The following RALYL variants were observed in gnomAD, a reference collection of about 807,000 sequenced individuals.
The protein encoded by RALYL is RALY RNA binding protein like.
Under a neutral mutation model 35.1 loss-of-function variants are expected in RALYL, and 29 were observed. The ratio of observed to expected loss-of-function variants is 0.83; its 90% CI spans 0.61 to 1.13. RALYL has a LOEUF of 1.13. Ranked by LOEUF, RALYL falls within the 50% of genes most tolerant of loss-of-function variation. The pLI, the probability that RALYL is intolerant of heterozygous loss-of-function variation, is 0.00. For synonymous variants in RALYL, 120 were observed against 127.6 expected, an observed-to-expected ratio of 0.94 and a Z score of 0.40; for missense variants, 359 against 360.4, an observed-to-expected ratio of 1.00 and a Z score of 0.03.
intron 8 of RALYL, among the ~76,000 whole-genome samples, chr8:84,911,214 A>G (rs1394442297): frequency 6.6e-6 from 1 of 152,080 alleles, no homozygotes; most frequent in Non-Finnish European, 1.5e-5. Flanking sequence ...TCTCCCCACA[A>G]GAAAGTTCAA....
At chr8:84,425,431 T>C (rs931379332) in intron 1 of RALYL, among the ~76,000 whole-genome samples, 1 of 152,166 alleles carries the variant, frequency 6.6e-6, no homozygotes, top group South Asian at 2.1e-4. Context: ...GCTCACCCAC[T>C]GGCCTGCGCC....
chr8:84,439,617 G>A (rs1465790889), intron 1 of RALYL, among the ~76,000 whole-genome samples: 1 of 151,964 alleles, frequency 6.6e-6, no homozygotes, highest in Admixed American at 6.6e-5. Context: ...GCGTCATGGA[G>A]ATTAGCTTAA....
At chr8:84,251,307 CA>C (rs1830155575) in intron 1 of RALYL, among the ~76,000 whole-genome samples, 1 of 152,044 alleles carries the variant, frequency 6.6e-6, no homozygotes, top group African/African-American at 2.4e-5. Flanking sequence ...TCTATTTCTG[CA>C]AAGATACTGT....
intron 2 of RALYL, among the ~76,000 whole-genome samples, chr8:84,555,801 A>G (rs2061075437): frequency 6.6e-6 from 1 of 152,230 alleles, no homozygotes; most frequent in South Asian, 2.1e-4. Flanking sequence ...TTCTAAATTT[A>G]GATATCCCAT....
chr8:84,199,268 G>A (rs1816241750), intron 1 of RALYL, among the ~76,000 whole-genome samples: 1 of 150,282 alleles, frequency 6.7e-6, no homozygotes, highest in Non-Finnish European at 1.5e-5. Flanking sequence ...GTGATGATCG[G>A]TGACCTTTTC....
At chr8:84,666,468 G>A (rs747592205) in intron 2 of RALYL, among the ~76,000 whole-genome samples, 3 of 152,036 alleles carry the variant, frequency 2.0e-5, no homozygotes, top group Non-Finnish European at 2.9e-5. Context: ...GGAGGTTAAA[G>A]TTTGAGAGAC....
intron 1 of RALYL, among the ~76,000 whole-genome samples, chr8:84,409,484 T>G (rs2043886973): frequency 6.6e-6 from 1 of 152,082 alleles, no homozygotes; most frequent in Non-Finnish European, 1.5e-5. Context: ...CACCTGATTT[T>G]AAGTTTTCCA....
chr8:84,601,041 C>A (rs188479512), intron 2 of RALYL, among the ~76,000 whole-genome samples: 2 of 152,174 alleles, frequency 1.3e-5, no homozygotes, highest in Admixed American at 1.3e-4. Context: ...AGATGTGGTT[C>A]CTTCTTTCAA....
At chr8:84,902,762 T>A (rs2135574916) in intron 8 of RALYL, among the ~76,000 whole-genome samples, 1 of 152,280 alleles carries the variant, frequency 6.6e-6, no homozygotes, top group African/African-American at 2.4e-5. Context: ...TGAGGCTCAC[T>A]TCCATATCTG....
At chr8:84,215,611 T>A (rs1186740989) in intron 1 of RALYL, among the ~76,000 whole-genome samples, 1 of 152,136 alleles carries the variant, frequency 6.6e-6, no homozygotes, top group Non-Finnish European at 1.5e-5. Context: ...TTTTTCTATC[T>A]GTAGCTGCTT....
chr8:84,278,476 T>C (rs1016124655), intron 1 of RALYL, among the ~76,000 whole-genome samples: 2 of 152,256 alleles, frequency 1.3e-5, no homozygotes, highest in Non-Finnish European at 2.9e-5. Flanking sequence ...TCGTTAATTA[T>C]GCAAATTTCT....
chr8:84,555,105 C>T (rs541776374), intron 2 of RALYL, among the ~76,000 whole-genome samples: 1 of 152,198 alleles, frequency 6.6e-6, no homozygotes, highest in South Asian at 2.1e-4. Context: ...ATGGTGAAAC[C>T]CCACCTCTAC....
At chr8:84,908,208 GAT>G (rs1037005559) in intron 8 of RALYL, among the ~76,000 whole-genome samples, 4 of 152,140 alleles carry the variant, frequency 2.6e-5, no homozygotes, top group African/African-American at 9.7e-5. Flanking sequence ...CAATTTTTGT[GAT>G]GAGAACATTT....
At chr8:84,211,330 G>T (rs369832113) in intron 1 of RALYL, among the ~76,000 whole-genome samples, 56 of 152,176 alleles carry the variant, frequency 3.7e-4, no homozygotes, top group African/African-American at 1.2e-3. Context: ...TTTAACAACT[G>T]GTCTTCATTT....
intron 1 of RALYL, among the ~76,000 whole-genome samples, chr8:84,191,014 G>C (rs939375346): frequency 6.6e-6 from 1 of 151,754 alleles, no homozygotes; most frequent in Non-Finnish European, 1.5e-5. Context: ...TGCTGCATAG[G>C]CTCAAAAGAA....
At chr8:84,589,245 G>A (rs948748890) in intron 2 of RALYL, among the ~76,000 whole-genome samples, 1 of 152,136 alleles carries the variant, frequency 6.6e-6, no homozygotes, top group Non-Finnish European at 1.5e-5. Flanking sequence ...ATCTCAATGC[G>A]ATGTCTTCCA....
chr8:84,204,390 G>A (rs1161495777), intron 1 of RALYL, among the ~76,000 whole-genome samples: 1 of 152,214 alleles, frequency 6.6e-6, no homozygotes, highest in East Asian at 1.9e-4. Context: ...GGGGAATAAG[G>A]TATTTTTTCT....
intron 6 of RALYL, among the ~76,000 whole-genome samples, chr8:84,869,895 A>C (rs1022046063): frequency 1.3e-5 from 2 of 152,184 alleles, no homozygotes; most frequent in African/African-American, 4.8e-5. Context: ...ATTATATCTT[A>C]TGTCACAGCA....
intron 1 of RALYL, among the ~76,000 whole-genome samples, chr8:84,401,507 G>A (rs1030262231): frequency 2.0e-5 from 3 of 151,266 alleles, no homozygotes; most frequent in Non-Finnish European, 3.0e-5. Context: ...GCGCGGTGGC[G>A]GGCGCCTGTA....
Sources: allele counts gnomAD v4.1 joint callset (sites outside exome capture counted in the v4.1 genomes callset), GRCh38; gene constraint gnomAD v4.1.1; transcripts MANE v1.5; gene names NCBI Gene and HGNC (gene_info 2026-07-23, HGNC 2026-07-21).